The following DLG2 variants were observed in gnomAD, a reference collection of about 807,000 sequenced individuals.
DLG2 encodes the protein discs large MAGUK scaffold protein 2, also known as disks large homolog 2.
Under a neutral mutation model 132.5 loss-of-function variants are expected in DLG2, and 45 were observed. That is an observed-to-expected ratio of 0.34 (90% confidence interval 0.27 to 0.44). DLG2 has a LOEUF of 0.44. Among genes scored for constraint, DLG2 ranks in the 20% least tolerant of loss-of-function variants. The probability of loss-of-function intolerance (pLI) is 1.00; values close to 1 mark genes in which losing one functional copy is unlikely to be tolerated. For synonymous variants in DLG2, 424 were observed against 419.6 expected (o/e 1.01, Z -0.13); for missense variants, 1,045 against 1,196.9 (o/e 0.87, Z 1.87).
chr11:83,978,537 A>G (rs558298547), intron 12 of DLG2, among the ~76,000 whole-genome samples: 1 of 152,272 alleles, frequency 6.6e-6, no homozygotes, highest in South Asian at 2.1e-4. Context: ...GAACAACATC[A>G]TAAGAACAAA....
chr11:84,467,812 C>T (rs1006651735), intron 7 of DLG2, among the ~76,000 whole-genome samples: 3 of 151,410 alleles, frequency 2.0e-5, no homozygotes, highest in African/African-American at 7.3e-5. Context: ...ATTAAAATTA[C>T]TATGTCTGCA....
intron 3 of DLG2, among the ~76,000 whole-genome samples, chr11:85,500,234 C>A (rs1397892963): frequency 6.6e-6 from 1 of 152,170 alleles, no homozygotes; most frequent in East Asian, 1.9e-4. Context: ...AGTTAATAAG[C>A]AACTTCAGCA....
chr11:84,054,437 T>C (rs1222627181), intron 11 of DLG2, among the ~76,000 whole-genome samples: 18 of 152,054 alleles, frequency 1.2e-4, no homozygotes. Flanking sequence ...TTCCTACATA[T>C]AATTACCTAT....
At chr11:83,527,422 G>A (rs1310885745) in intron 21 of DLG2, among the ~76,000 whole-genome samples, 1 of 152,132 alleles carries the variant, frequency 6.6e-6, no homozygotes, top group Admixed American at 6.6e-5. Context: ...GTCTTGTGGT[G>A]ATTAAGAGAT....
At chr11:84,458,903 A>G (rs1269280112) in intron 7 of DLG2, among the ~76,000 whole-genome samples, 2 of 150,718 alleles carry the variant, frequency 1.3e-5, no homozygotes, top group East Asian at 3.9e-4. Context: ...AATTCTTTAC[A>G]TGAATTATCT....
At chr11:84,549,604 A>C (rs2099397615) in intron 6 of DLG2, among the ~76,000 whole-genome samples, 1 of 152,186 alleles carries the variant, frequency 6.6e-6, no homozygotes, top group Non-Finnish European at 1.5e-5. Flanking sequence ...AGGCTCTCTG[A>C]AACTCAGACT....
At chr11:85,508,024 T>G (rs1459549870) in intron 3 of DLG2, among the ~76,000 whole-genome samples, 1 of 152,074 alleles carries the variant, frequency 6.6e-6, no homozygotes, top group Non-Finnish European at 1.5e-5. Context: ...GCATGCATCA[T>G]GTAGTTCTCG....
intron 3 of DLG2, among the ~76,000 whole-genome samples, chr11:85,325,295 C>T (rs933357633): frequency 5.3e-5 from 8 of 152,232 alleles, no homozygotes; most frequent in Non-Finnish European, 8.8e-5. Context: ...CTGTCTGCCT[C>T]TGTAGGCTCC....
chr11:85,014,682 ATTCATAC>A (rs2059422140), intron 6 of DLG2, among the ~76,000 whole-genome samples: 1 of 152,148 alleles, frequency 6.6e-6, no homozygotes, highest in Admixed American at 6.6e-5. Context: ...AAGTAAAATG[ATTCATAC>A]TTCAAAGCCC....
At chr11:83,673,318 T>C (rs1408736566) in intron 18 of DLG2, among the ~76,000 whole-genome samples, 1 of 152,194 alleles carries the variant, frequency 6.6e-6, no homozygotes, top group Non-Finnish European at 1.5e-5. Flanking sequence ...AGCAACACTT[T>C]GTCAATAGGC....
At chr11:84,788,484 C>A (rs1163571829) in intron 6 of DLG2, among the ~76,000 whole-genome samples, 1 of 152,110 alleles carries the variant, frequency 6.6e-6, no homozygotes, top group Non-Finnish European at 1.5e-5. Context: ...TCATTCTCCA[C>A]ATACATTCAT....
chr11:83,519,462 G>C (rs2095408221), intron 21 of DLG2, among the ~76,000 whole-genome samples: 1 of 152,032 alleles, frequency 6.6e-6, no homozygotes, highest in Non-Finnish European at 1.5e-5. Context: ...CTAATTTTGT[G>C]TTTTTTATGT....
At chr11:84,959,761 G>C (rs1459205352) in intron 6 of DLG2, among the ~76,000 whole-genome samples, 3 of 152,088 alleles carry the variant, frequency 2.0e-5, no homozygotes. Context: ...TCACAGAAAA[G>C]GTGAACTTGA....
intron 14 of DLG2, among the ~76,000 whole-genome samples, chr11:83,947,120 C>CATAT (rs1179553378): frequency 2.0e-5 from 3 of 152,094 alleles, no homozygotes; most frequent in African/African-American, 4.8e-5. Flanking sequence ...TTTCTGTGCT[C>CATAT]ATATAATGAT....
intron 19 of DLG2, among the ~76,000 whole-genome samples, chr11:83,609,060 T>G (rs537412098): frequency 6.6e-5 from 10 of 152,270 alleles, no homozygotes; most frequent in Non-Finnish European, 1.2e-4. Context: ...CTTGATAGTT[T>G]CATATGGTTT....
chr11:83,673,653 G>A (rs1189742456), intron 18 of DLG2, among the ~76,000 whole-genome samples: 4 of 152,126 alleles, frequency 2.6e-5, no homozygotes, highest in Non-Finnish European at 5.9e-5. Context: ...TATTCACCAT[G>A]CCAGCACCTA....
At chr11:85,538,448 T>C (rs556916774) in intron 3 of DLG2, among the ~76,000 whole-genome samples, 1 of 151,994 alleles carries the variant, frequency 6.6e-6, no homozygotes, top group East Asian at 1.9e-4. Context: ...CTCAAAGACC[T>C]AGAACCAGAA....
intron 10 of DLG2, among the ~76,000 whole-genome samples, chr11:84,065,170 A>G (rs935119370): frequency 1.2e-4 from 18 of 152,222 alleles, no homozygotes; most frequent in African/African-American, 3.9e-4. Context: ...CAAAGATTTC[A>G]TGATAAAGAT....
At chr11:85,560,082 A>G (rs1429691720) in intron 3 of DLG2, among the ~76,000 whole-genome samples, 2 of 151,906 alleles carry the variant, frequency 1.3e-5, no homozygotes, top group East Asian at 3.8e-4. Flanking sequence ...AAGATAGACA[A>G]TACCAAATGT....
Sources: allele counts gnomAD v4.1 joint callset (sites outside exome capture counted in the v4.1 genomes callset), GRCh38; gene constraint gnomAD v4.1.1; transcripts MANE v1.5; gene names NCBI Gene and HGNC (gene_info 2026-07-23, HGNC 2026-07-21).